ZNF740: variants seen among roughly 807,000 people sequenced by gnomAD.
ZNF740 encodes the protein zinc finger protein 740.
ZNF740 carries 14 observed loss-of-function variants against 24.8 expected under a neutral mutation model. The ratio of observed to expected loss-of-function variants is 0.56; its 90% CI spans 0.37 to 0.88. The LOEUF (loss-of-function observed/expected upper bound fraction) is 0.88. ZNF740 is among the 40% of genes least tolerant of loss of function. The pLI, the probability that ZNF740 is intolerant of heterozygous loss-of-function variation, is 0.00. For synonymous variants in ZNF740, 69 were observed against 84.0 expected (o/e 0.82, Z 0.98); for missense variants, 201 against 247.9 (o/e 0.81, Z 1.27).
intron 3 of ZNF740, 81 bp downstream of exon 3, chr12:53,185,121 T>C (rs1209158407): frequency 1.3e-6 from 2 of 1,587,112 alleles, no homozygotes. Context: ...CTCTGATTCC[T>C]TGATGCTTCC....
Position 53,185,323 on chromosome 12 carries a change from T to C in ZNF740, c.160-64T>C. On this transcript the variant is annotated intron_variant, in intron 3 of 6. Transcript: ENST00000416904. The stretch of plus-strand genomic sequence containing the variant: ...TCATTTATGAATTTTGTCTGAGAGC[T>C]GCATTGGGTCTCATCTCATGTTCCG... 3 of 1,532,428 alleles carry C rather than the reference T, an allele frequency of 2.0e-6. No homozygotes were observed. The South Asian group carries it at 3.4e-5, about 18-fold the overall frequency. The allele number at this position is 1,532,428 out of a possible 1,614,324, so 94.9% of individuals were successfully genotyped here.
Position 53,181,778 on chromosome 12 carries a change from G to A in ZNF740, c.-206G>A, listed in dbSNP as rs1592381654. The A allele has an allele frequency of 1.5e-6, 1 of 661,992 alleles. No homozygotes were observed. The highest frequency in any genetic ancestry group is 2.5e-6 in the Non-Finnish European group (1 of 398,024). 41.0% of individuals were successfully genotyped at this position (661,992 alleles called of 1,614,324 possible). ...AGACAATAGGCAGGAGCCAGGCAGA[G>A]TCCAGGGATTCTTGGAACACCTATC... On this transcript the variant is annotated 5_prime_UTR_variant, in exon 2 of 7. Coordinates refer to ENST00000416904, the MANE Select transcript of ZNF740 (RefSeq NM_001004304.4).
Position 53,185,269 on chromosome 12 carries a change from T to C in ZNF740, c.160-118T>C. On this transcript the variant is annotated intron_variant, in intron 3 of 6. Transcript: ENST00000416904. ...GGAGAGGAAATAGTTGTATACTTCC[T>C]CTAAGCTTTCGGGGCAGGTGGTTTA... 2.4e-6 allele frequency: 3 copies of C among 1,241,204 alleles called. No individual in the cohort carries two copies. The South Asian group carries it at 4.2e-5, about 17-fold the overall frequency. The allele number at this position is 1,241,204 out of a possible 1,614,324, so 76.9% of individuals were successfully genotyped here.
At position 53,193,219 on chromosome 12, in the gene ZNF740, G is replaced by A; in HGVS notation, c.*5629G>A. The A allele has an allele frequency of 6.2e-7, 1 of 1,614,158 alleles. No individual in the cohort carries two copies. Among genetic ancestry groups the A allele is most frequent in the Admixed American group, 1.7e-5 (1 of 60,030 alleles). ...GATGCCCAGAGCTCTGTCCACTGCA[G>A]CTGCAGCGTCCACATTGACAGTGAC... On this transcript the variant is annotated 3_prime_UTR_variant, in exon 7 of 7. Coordinates refer to ENST00000416904, the MANE Select transcript of ZNF740 (RefSeq NM_001004304.4).
intron 6 of ZNF740, chr12:53,186,713 G>A: frequency 2.0e-6 from 1 of 493,348 alleles, no homozygotes. Flanking sequence ...AATAATAATA[G>A]CATTCCATAT....
chr12:53,191,777 G>A lies in ZNF740; in HGVS notation c.*4187G>A. The A allele has an allele frequency of 6.3e-7, 1 of 1,585,236 alleles. No homozygotes were observed. Among genetic ancestry groups the A allele is most frequent in the Non-Finnish European group, 8.7e-7 (1 of 1,155,528 alleles). On this transcript the variant is annotated 3_prime_UTR_variant, in exon 7 of 7. Coordinates refer to ENST00000416904, the MANE Select transcript of ZNF740 (RefSeq NM_001004304.4). ...GGTTGGTTACATGTGCCAGGGGCTG[G>A]GGGAACCCAGTGGGAGGAATCAGGG...
chr12:53,191,265 C>T lies in ZNF740; in HGVS notation c.*3675C>T, dbSNP rs536816960. ...GGATGGACAAGAGCTTTCCCGAGGC[C>T]CAGGCTATAAACAGTCTGCTTTGGC... On this transcript the variant is annotated 3_prime_UTR_variant, in exon 7 of 7. Transcript: ENST00000416904. The T allele has an allele frequency of 1.5e-4, 61 of 404,956 alleles. No homozygotes were observed. Among genetic ancestry groups the T allele is most frequent in the Non-Finnish European group, 1.9e-5 (4 of 215,066 alleles). 25.1% of individuals were successfully genotyped at this position (404,956 alleles called of 1,614,324 possible). A position where few individuals can be genotyped will look rare whatever the true frequency, so the allele number is the denominator to read the frequency against.
rs1942110349 is a variant in ZNF740 at position 53,195,064 on chromosome 12, G to A, written c.*7474G>A. 1 of 334,062 alleles carries A rather than the reference G, an allele frequency of 3.0e-6. No homozygotes were observed. The allele number at this position is 334,062 out of a possible 1,614,324, so 20.7% of individuals were successfully genotyped here. A position where few individuals can be genotyped will look rare whatever the true frequency, so the allele number is the denominator to read the frequency against. On this transcript the variant is annotated 3_prime_UTR_variant, in exon 7 of 7. Coordinates refer to ENST00000416904, the MANE Select transcript of ZNF740 (RefSeq NM_001004304.4). Reference sequence around the variant, plus strand: ...CAGTTATGAAGCAAGGCTTTTGGCAGGGTTAAATGAAGTAGCAAACAGTAT... The same window carrying A: ...CAGTTATGAAGCAAGGCTTTTGGCAAGGTTAAATGAAGTAGCAAACAGTAT...
In ZNF740 at chr12:53,185,466, CTG is replaced by C. The variant is rs1941805307; in HGVS notation, c.241_242del (p.Val81Ter). ...TCTGAGGCCTCTCATTCAAAAAAGA[CTG>C]TTAAAAAGGCAGGTAATGGGGTGAT... On this transcript the variant is annotated frameshift_variant, in exon 4 of 7. Coordinates refer to ENST00000416904, the MANE Select transcript of ZNF740 (RefSeq NM_001004304.4). LOFTEE classifies it high-confidence loss of function. 1 of 1,613,906 alleles carries C rather than the reference CTG, an allele frequency of 6.2e-7. No homozygotes were observed. Among genetic ancestry groups the C allele is most frequent in the Non-Finnish European group, 8.5e-7 (1 of 1,179,868 alleles).
In ZNF740 at chr12:53,193,812, C is replaced by CTG; in HGVS notation, c.*6222_*6223insTG. The CTG allele has an allele frequency of 6.2e-7, 1 of 1,614,080 alleles. No individual in the cohort carries two copies. The highest frequency in any genetic ancestry group is 8.5e-7 in the Non-Finnish European group (1 of 1,180,008). On this transcript the variant is annotated 3_prime_UTR_variant, in exon 7 of 7. Transcript: ENST00000416904. ...CACACAGCGTGTGCAACTCCACAAT[C>CTG]AGCTCCTCTGAGAAGCCAAGGGCCC...
Position 53,192,785 on chromosome 12 carries a change from G to A in ZNF740, c.*5195G>A, listed in dbSNP as rs758795578. On this transcript the variant is annotated 3_prime_UTR_variant, in exon 7 of 7. Coordinates refer to ENST00000416904, the MANE Select transcript of ZNF740 (RefSeq NM_001004304.4). Reference sequence around the variant, plus strand: ...CACTGGCAGCGGTTGCATTTGCAGCGTCCATGCCCACTGCAGAGCCCTCCC... The same window carrying A: ...CACTGGCAGCGGTTGCATTTGCAGCATCCATGCCCACTGCAGAGCCCTCCC... 2.1e-5 allele frequency: 34 copies of A among 1,614,100 alleles called. No individual in the cohort carries two copies. Among genetic ancestry groups the A allele is most frequent in the African/African-American group, 8.0e-5 (6 of 74,940 alleles).
At position 53,192,740 on chromosome 12, in the gene ZNF740, C is replaced by CT; in HGVS notation, c.*5150_*5151insT. On this transcript the variant is annotated 3_prime_UTR_variant, in exon 7 of 7. Coordinates refer to ENST00000416904, the MANE Select transcript of ZNF740 (RefSeq NM_001004304.4). ...CAGCCTGGGCATTGGTCGCATAGAG[C>CT]ACCATAGTAGCCGTCCAAGCACTGG... 1 of 1,614,256 alleles carries CT rather than the reference C, an allele frequency of 6.2e-7. No homozygotes were observed. The highest frequency in any genetic ancestry group is 8.5e-7 in the Non-Finnish European group (1 of 1,180,046).
In ZNF740 at chr12:53,187,529, G is replaced by A. The variant is rs1464810194; in HGVS notation, c.521G>A (p.Arg174Lys). ...TTTTCTCGGACAGATCGATTACTCA[G>A]ACACAAACGGATGTGCCAAGGGTGC... ...QCFSRTDRLL[R>K]HKRMCQGCQS... The change falls in exon 7 of 7, where the codon AGA (arginine) becomes AAA (lysine). Residue 174 changes from arginine (R) to lysine (K), a missense_variant. Arg to Lys is a conservative substitution (Grantham distance 26). Coordinates refer to ENST00000416904, the MANE Select transcript of ZNF740 (RefSeq NM_001004304.4). 1 of 1,614,020 alleles carries A rather than the reference G, an allele frequency of 6.2e-7. No homozygotes were observed. Among genetic ancestry groups the A allele is most frequent in the Admixed American group, 1.7e-5 (1 of 60,024 alleles).
rs764733318 is a variant in ZNF740, at chr12:53,191,938, T to C, written c.*4348T>C. The C allele has an allele frequency of 4.3e-6, 7 of 1,610,630 alleles. No homozygotes were observed. Among genetic ancestry groups the C allele is most frequent in the Non-Finnish European group, 5.9e-6 (7 of 1,179,806 alleles). ...GTCATAGATTTCCACCGAGAGCCGGTAAGCCAGGACCAGCCCCAGCCCCAC... is the reference window on the plus strand; with the variant it reads ...GTCATAGATTTCCACCGAGAGCCGGCAAGCCAGGACCAGCCCCAGCCCCAC... On this transcript the variant is annotated 3_prime_UTR_variant, in exon 7 of 7. Transcript: ENST00000416904.
In ZNF740 at chr12:53,181,730, A is replaced by G. The variant is rs774949786; in HGVS notation, c.-254A>G. 5.9e-6 allele frequency: 3 copies of G among 507,174 alleles called. No individual in the cohort carries two copies. Among genetic ancestry groups the G allele is most frequent in the South Asian group, 3.1e-5 (1 of 31,962 alleles). The allele number at this position is 507,174 out of a possible 1,614,324, so 31.4% of individuals were successfully genotyped here. ...AAGAGAATTCAACTGGAAAACCAAG[A>G]CTGGTAGACTCTCTTTTTCTTCAGA... On this transcript the variant is annotated 5_prime_UTR_variant, in exon 2 of 7. Coordinates refer to ENST00000416904, the MANE Select transcript of ZNF740 (RefSeq NM_001004304.4).
Position 53,191,929 on chromosome 12 carries a change from G to A in ZNF740, c.*4339G>A, listed in dbSNP as rs773128859. 2.1e-5 allele frequency: 34 copies of A among 1,610,824 alleles called. No homozygotes were observed. Among genetic ancestry groups the A allele is most frequent in the Admixed American group, 3.3e-5 (2 of 59,990 alleles). On this transcript the variant is annotated 3_prime_UTR_variant, in exon 7 of 7. Coordinates refer to ENST00000416904, the MANE Select transcript of ZNF740 (RefSeq NM_001004304.4). The stretch of plus-strand genomic sequence containing the variant: ...TTCCCGGCGGTCATAGATTTCCACC[G>A]AGAGCCGGTAAGCCAGGACCAGCCC...
rs1301278274 is a variant in ZNF740, at chr12:53,193,315, C to T, written c.*5725C>T. 1.9e-6 allele frequency: 3 copies of T among 1,608,912 alleles called. No homozygotes were observed. The highest frequency in any genetic ancestry group is 2.6e-6 in the Non-Finnish European group (3 of 1,176,194). On this transcript the variant is annotated 3_prime_UTR_variant, in exon 7 of 7. Transcript: ENST00000416904. ...CAGATTCCAGGTCTGGGGAGGACAG[C>T]TCTGCCACAGAGCACTCACAGAGCC... is the stretch of plus-strand genomic sequence containing the variant.
Position 53,191,734 on chromosome 12 carries a change from G to A in ZNF740, c.*4144G>A, listed in dbSNP as rs761820105. 2 of 1,517,176 alleles carry A rather than the reference G, an allele frequency of 1.3e-6. No homozygotes were observed. Among genetic ancestry groups the A allele is most frequent in the South Asian group, 1.1e-5 (1 of 88,720 alleles). The allele number at this position is 1,517,176 out of a possible 1,614,324, so 94.0% of individuals were successfully genotyped here. On this transcript the variant is annotated 3_prime_UTR_variant, in exon 7 of 7. Transcript: ENST00000416904. The stretch of plus-strand genomic sequence containing the variant: ...AGCCTTGAGCCGAATCCTAGGAGCT[G>A]ATGGAAGTTAGCAGAGGGGTTGGTT...
At chr12:53,180,901 A>G (rs1210745131) in intron 1 of ZNF740, 64 bp downstream of exon 1, 1 of 1,139,176 alleles carries the variant, frequency 8.8e-7, no homozygotes, top group African/African-American at 1.7e-5. Flanking sequence ...AGTAGCTCGC[A>G]AGCCGTGGGG....
Sources: gnomAD v4.1 joint callset for allele counts on GRCh38, gnomAD v4.1.1 for gene constraint, MANE v1.5 for transcripts, NCBI Gene and HGNC (gene_info 2026-07-23, HGNC 2026-07-21) for gene names.